OPCML: variants seen among roughly 807,000 people sequenced by gnomAD.
OPCML encodes opioid-binding protein/cell adhesion molecule.
In OPCML, 13 loss-of-function variants were observed where a neutral mutation model predicts 37.8. The observed-to-expected ratio is 0.34, with a 90% CI of 0.22 to 0.55. OPCML has a LOEUF of 0.55. Ranked by LOEUF, OPCML falls within the 20% of genes least tolerant of loss-of-function variation. OPCML has a pLI of 0.91. For missense variants in OPCML, 341 were observed against 435.6 expected, an observed-to-expected ratio of 0.78 and a Z score of 1.93; for synonymous variants, 176 against 168.8, an observed-to-expected ratio of 1.04 and a Z score of -0.33.
intron 1 of OPCML, among the ~76,000 whole-genome samples, chr11:133,140,577 A>AAGAAG (rs748209202): frequency 9.4e-5 from 8 of 85,092 alleles, no homozygotes; most frequent in East Asian, 4.0e-4. Context: ...GAAGAAGAAG[A>AAGAAG]AAGAAGAAAA....
At position 132,437,323 on chromosome 11, in the gene OPCML, T is replaced by C. The variant is rs2096016625; in HGVS notation, c.542A>G (p.Glu181Gly). The C allele has an allele frequency of 6.2e-7, 1 of 1,614,072 alleles. No individual in the cohort carries two copies. Among genetic ancestry groups the C allele is most frequent in the South Asian group, 1.1e-5 (1 of 91,084 alleles). The change falls in exon 5 of 8, where the codon GAG (glutamate) becomes GGG (glycine). Residue 181 changes from glutamate (E) to glycine (G), a missense_variant. Physicochemically the swap from Glu to Gly is moderately conservative, Grantham distance 98. Coordinates refer to ENST00000524381, the MANE Select transcript of OPCML (RefSeq NM_001012393.5). ...QGFVSEDEYL[E>G]ISDIKRDQSG... ...CTGGTCTCGCTTGATGTCAGAGATC[T>C]CCAGGTACTCATCCTCACTTACAAA... is the stretch of plus-strand genomic sequence containing the variant.
intron 7 of OPCML, among the ~76,000 whole-genome samples, chr11:132,426,710 G>T (rs1314973712): frequency 6.6e-6 from 1 of 152,200 alleles, no homozygotes; most frequent in Non-Finnish European, 1.5e-5. Context: ...GGAATTACAG[G>T]CATGAGCCAC....
chr11:133,259,182 G>A (rs1335363042), intron 1 of OPCML, among the ~76,000 whole-genome samples: 1 of 152,126 alleles, frequency 6.6e-6, no homozygotes. Flanking sequence ...CACGGTTCCA[G>A]AGACAGGAAA....
intron 1 of OPCML, among the ~76,000 whole-genome samples, chr11:133,229,761 A>G (rs1055639237): frequency 6.6e-6 from 1 of 152,196 alleles, no homozygotes. Context: ...GTAAGGGGGA[A>G]CTGCTGGACA....
chr11:132,642,414 A>G (rs1029382056), intron 3 of OPCML, among the ~76,000 whole-genome samples: 6 of 151,824 alleles, frequency 4.0e-5, no homozygotes, highest in African/African-American at 1.5e-4. Flanking sequence ...TAAGATATTG[A>G]GAACAGAGGT....
At chr11:132,543,118 A>G (rs762216004) in intron 3 of OPCML, among the ~76,000 whole-genome samples, 1 of 152,234 alleles carries the variant, frequency 6.6e-6, no homozygotes, top group Non-Finnish European at 1.5e-5. Context: ...TTTTATTAAA[A>G]TAAGCAGTAT....
intron 2 of OPCML, among the ~76,000 whole-genome samples, chr11:132,867,473 C>T (rs770048892): frequency 6.6e-6 from 1 of 152,092 alleles, no homozygotes; most frequent in Non-Finnish European, 1.5e-5. Flanking sequence ...TGTTTTGGGG[C>T]TGTGAAAGAT....
chr11:133,313,431 A>T (rs1004926698), intron 1 of OPCML, among the ~76,000 whole-genome samples: 2 of 152,246 alleles, frequency 1.3e-5, no homozygotes, highest in Non-Finnish European at 2.9e-5. Flanking sequence ...CACTTCCAAG[A>T]ACCTGTGAAT....
chr11:133,085,110 C>T (rs142528604), intron 1 of OPCML, among the ~76,000 whole-genome samples: 1 of 152,286 alleles, frequency 6.6e-6, no homozygotes, highest in African/African-American at 2.4e-5. Flanking sequence ...TTCATCCTTC[C>T]ATTTAGATCC....
chr11:132,531,122 C>T (rs2096323871), intron 3 of OPCML, among the ~76,000 whole-genome samples: 1 of 152,194 alleles, frequency 6.6e-6, no homozygotes, highest in Non-Finnish European at 1.5e-5. Context: ...TGTGGAATCA[C>T]ACACATCTCT....
intron 1 of OPCML, among the ~76,000 whole-genome samples, chr11:133,277,421 G>C (rs1240203946): frequency 6.6e-6 from 1 of 151,878 alleles, no homozygotes; most frequent in Non-Finnish European, 1.5e-5. Flanking sequence ...AAACATTTTA[G>C]GCATCTATGC....
At chr11:132,881,317 C>T (rs964278058) in intron 2 of OPCML, among the ~76,000 whole-genome samples, 4 of 152,140 alleles carry the variant, frequency 2.6e-5, no homozygotes, top group Non-Finnish European at 5.9e-5. Flanking sequence ...CTTATTGGAG[C>T]GCCACACCTG....
rs184360143 is a variant in OPCML at position 132,608,203 on chromosome 11, C to T, written c.379+48884G>A. Among the ~76,000 whole-genome samples, 303 of 152,274 alleles carry T rather than the reference C, an allele frequency of 2.0e-3. 6 individuals are homozygous for T. Among genetic ancestry groups the T allele is most frequent in the Admixed American group, 2.2e-3 (34 of 15,292 alleles). ...ACCAAAGTATGTAAGACATAAACCA[C>T]AGTTCTCTCAGAAAGCACATGCTCA... On this transcript the variant is annotated intron_variant, in intron 3 of 7. Coordinates refer to ENST00000524381, the MANE Select transcript of OPCML (RefSeq NM_001012393.5).
intron 1 of OPCML, among the ~76,000 whole-genome samples, chr11:133,341,273 A>C (rs1565581709): frequency 6.6e-6 from 1 of 152,242 alleles, no homozygotes; most frequent in African/African-American, 2.4e-5. Flanking sequence ...TTCCAGTTCA[A>C]TATTAGCAAA....
intron 4 of OPCML, among the ~76,000 whole-genome samples, chr11:132,457,938 C>T (rs1479156884): frequency 2.0e-5 from 3 of 152,172 alleles, no homozygotes; most frequent in Non-Finnish European, 1.5e-5. Flanking sequence ...AAAGTGTCTG[C>T]CGTGGAAGAG....
chr11:133,039,636 C>T (rs762964532), intron 1 of OPCML, among the ~76,000 whole-genome samples: 3 of 152,142 alleles, frequency 2.0e-5, no homozygotes, highest in African/African-American at 4.8e-5. Context: ...CAGGGAGGTA[C>T]GGCTCATGAA....
intron 4 of OPCML, among the ~76,000 whole-genome samples, chr11:132,484,023 T>C (rs1592245836): frequency 6.6e-6 from 1 of 152,216 alleles, no homozygotes; most frequent in East Asian, 1.9e-4. Context: ...ACTTCATGTC[T>C]AAAACACCAA....
At chr11:133,364,156 A>G (rs2136729373) in intron 1 of OPCML, among the ~76,000 whole-genome samples, 1 of 152,326 alleles carries the variant, frequency 6.6e-6, no homozygotes, top group Non-Finnish European at 1.5e-5. Context: ...TGTAAACAGC[A>G]GTCCTTTGTA....
At chr11:133,056,700 G>A (rs1328260062) in intron 1 of OPCML, among the ~76,000 whole-genome samples, 1 of 152,182 alleles carries the variant, frequency 6.6e-6, no homozygotes, top group African/African-American at 2.4e-5. Flanking sequence ...TCAAGCATGT[G>A]CAGTACTCAG....
Sources: allele counts gnomAD v4.1 joint callset (sites outside exome capture counted in the v4.1 genomes callset), GRCh38; gene constraint gnomAD v4.1.1; transcripts MANE v1.5; gene names NCBI Gene and HGNC (gene_info 2026-07-23, HGNC 2026-07-21).